TMEM164: variants seen among roughly 807,000 people sequenced by gnomAD.
TMEM164 encodes the protein transmembrane protein 164, also known as RP13-360B22.2.
In TMEM164, 4 loss-of-function variants were observed where a neutral mutation model predicts 18.8. The observed-to-expected ratio is 0.21, with a 90% CI of 0.10 to 0.49. TMEM164 has a LOEUF of 0.49. Among genes scored for constraint, TMEM164 ranks in the 20% least tolerant of loss-of-function variants. TMEM164 has a pLI of 0.98. For synonymous variants in TMEM164, 86 were observed against 101.7 expected (o/e 0.85, Z 0.93); for missense variants, 108 against 239.9 (o/e 0.45, Z 3.63).
At chrX:110,181,850 G>A (rs1473702059), downstream of TMEM164, among the ~76,000 whole-genome samples, 3 of 112,567 alleles carry the variant, frequency 2.7e-5, no homozygotes, top group Non-Finnish European at 3.7e-5. Context: ...TTTCCAGACA[G>A]TTTGGTTACT....
intron 5 of TMEM164, among the ~76,000 whole-genome samples, chrX:110,153,588 C>A (rs926915964): frequency 9.0e-6 from 1 of 111,624 alleles, no homozygotes; most frequent in Non-Finnish European, 1.9e-5. Context: ...GGTTCTAGGA[C>A]TTCCCCCACC....
At chrX:110,128,791 G>A (rs2066571392) in intron 4 of TMEM164, among the ~76,000 whole-genome samples, 1 of 110,931 alleles carries the variant, frequency 9.0e-6, no homozygotes, top group African/African-American at 3.3e-5. Flanking sequence ...TATCTCTTTA[G>A]TTAGTTCTAT....
chrX:110,162,773 A>G (rs1488019636), intron 5 of TMEM164, among the ~76,000 whole-genome samples: 1 of 111,768 alleles, frequency 8.9e-6, no homozygotes, highest in African/African-American at 3.3e-5. Context: ...GTTGTCAGGA[A>G]CCAAACTTGT....
intron 4 of TMEM164, among the ~76,000 whole-genome samples, chrX:110,123,874 G>A (rs2066485957): frequency 9.0e-6 from 1 of 111,688 alleles, no homozygotes; most frequent in Non-Finnish European, 1.9e-5. Flanking sequence ...CTAGTCAGAA[G>A]GCCGATGTGG....
intron 2 of TMEM164, among the ~76,000 whole-genome samples, chrX:110,032,592 G>C: frequency 8.9e-6 from 1 of 112,192 alleles, no homozygotes; most frequent in Non-Finnish European, 1.9e-5. Context: ...TTAGTTACCT[G>C]ATGCAGGGAA....
chrX:110,166,316 A>G (rs1040992651), intron 5 of TMEM164, among the ~76,000 whole-genome samples: 7 of 112,070 alleles, frequency 6.2e-5, no homozygotes, highest in African/African-American at 2.3e-4. Flanking sequence ...ACCTAACTAC[A>G]CCATTGCATT....
chrX:110,153,968 A>AT (rs1033869625), intron 5 of TMEM164, among the ~76,000 whole-genome samples: 7 of 109,795 alleles, frequency 6.4e-5, no homozygotes, highest in African/African-American at 9.9e-5. Flanking sequence ...TTTTATTTGT[A>AT]TTTTTTTTTA....
At chrX:110,124,437 C>G (rs770244572) in intron 4 of TMEM164, among the ~76,000 whole-genome samples, 1 of 111,251 alleles carries the variant, frequency 9.0e-6, no homozygotes, top group East Asian at 2.8e-4. Context: ...CCCCTTAGGT[C>G]CCACACGCCT....
downstream of TMEM164, among the ~76,000 whole-genome samples, chrX:110,178,113 C>T (rs1040821673): frequency 6.2e-5 from 7 of 112,415 alleles, no homozygotes; most frequent in African/African-American, 2.3e-4. Flanking sequence ...CATTCAGGCC[C>T]ACTCAACCTA....
At chrX:110,054,824 A>AG (rs1935740883) in intron 2 of TMEM164, among the ~76,000 whole-genome samples, 1 of 111,998 alleles carries the variant, frequency 8.9e-6, no homozygotes, top group Non-Finnish European at 1.9e-5. Context: ...ATTACAAAAC[A>AG]CTTCTTAATA....
chrX:110,128,037 A>G (rs1049780861), intron 4 of TMEM164, among the ~76,000 whole-genome samples: 1 of 112,763 alleles, frequency 8.9e-6, no homozygotes. Context: ...AAAAATTCAG[A>G]TAACCCCTAA....
At chrX:110,076,793 T>G (rs999537039) in intron 3 of TMEM164, among the ~76,000 whole-genome samples, 2 of 112,345 alleles carry the variant, frequency 1.8e-5, no homozygotes, top group Non-Finnish European at 3.8e-5. Flanking sequence ...TTGATTTCTA[T>G]TTTTATTCCA....
At chrX:110,030,421 CT>C (rs367617232) in intron 2 of TMEM164, among the ~76,000 whole-genome samples, 4,569 of 90,761 alleles carry the variant, frequency 0.05, 258 homozygotes, top group African/African-American at 0.16. Context: ...CATTCGGCCT[CT>C]TTTTTTTTTT....
chrX:110,169,271 C>T (rs2067198653), intron 5 of TMEM164, among the ~76,000 whole-genome samples: 1 of 111,722 alleles, frequency 9.0e-6, no homozygotes, highest in South Asian at 3.8e-4. Context: ...TAAATGGCAC[C>T]ATCAACCCAG....
chrX:110,111,031 G>A (rs2066283434), intron 4 of TMEM164, among the ~76,000 whole-genome samples: 1 of 112,352 alleles, frequency 8.9e-6, no homozygotes, highest in Non-Finnish European at 1.9e-5. Flanking sequence ...GAACATCTGT[G>A]TTGGGGAGGG....
intron 3 of TMEM164, among the ~76,000 whole-genome samples, chrX:110,098,578 T>G: frequency 8.9e-6 from 1 of 111,851 alleles, no homozygotes; most frequent in Non-Finnish European, 1.9e-5. Flanking sequence ...CAACAGTGTA[T>G]GAAAATTCCG....
rs1307149121 is a variant in TMEM164, at chrX:110,017,446, C to CTTTCTTTCTTTCTTTCTT, written c.390+13283_390+13284insTTCTTTCTTTCTTTCTTT. Among the ~76,000 whole-genome samples, 239 of 79,089 alleles carry CTTTCTTTCTTTCTTTCTT rather than the reference C, an allele frequency of 3.0e-3. 1 individual carries two copies. The highest frequency in any genetic ancestry group is 0.011 in the African/African-American group (228 of 19,869). The allele number at this position is 79,089 out of a possible 115,157, so 68.7% of individuals were successfully genotyped here. A position where few individuals can be genotyped will look rare whatever the true frequency, so the allele number is the denominator to read the frequency against. The stretch of plus-strand genomic sequence containing the variant: ...TCTTTCTTTCTTTCTTTCTTTCTTT[C>CTTTCTTTCTTTCTTTCTT]TCTCTCTCTCTCTCTCTTTCTTTCC... On this transcript the variant is annotated intron_variant, in intron 2 of 6. Coordinates refer to ENST00000372068, the MANE Select transcript of TMEM164 (RefSeq NM_032227.4).
At chrX:110,115,348 G>A (rs558398921) in intron 4 of TMEM164, among the ~76,000 whole-genome samples, 15 of 112,178 alleles carry the variant, frequency 1.3e-4, no homozygotes, top group South Asian at 3.7e-4. Flanking sequence ...TTCTTAAAGC[G>A]TACAAAGCTT....
intron 4 of TMEM164, among the ~76,000 whole-genome samples, chrX:110,136,833 C>G (rs1228168196): frequency 9.0e-6 from 1 of 111,718 alleles, no homozygotes; most frequent in African/African-American, 3.3e-5. Flanking sequence ...TCCCTGTCCA[C>G]TGGCTCCTTC....
Sources: gnomAD v4.1 joint callset for allele counts (sites outside exome capture counted in the v4.1 genomes callset) on GRCh38, gnomAD v4.1.1 for gene constraint, MANE v1.5 for transcripts, NCBI Gene and HGNC (gene_info 2026-07-23, HGNC 2026-07-21) for gene names.